Variants in THADA observed in about 807,000 individuals in gnomAD.
The protein encoded by THADA is THADA armadillo repeat containing.
THADA carries 213 observed loss-of-function variants against 219.8 expected under a neutral mutation model. The ratio of observed to expected loss-of-function variants is 0.97; its 90% CI spans 0.87 to 1.09. The LOEUF (loss-of-function observed/expected upper bound fraction) is 1.09, where lower values mean the gene tolerates loss of function less well. Ranked by LOEUF, THADA falls within the 50% of genes least tolerant of loss-of-function variation. THADA has a pLI of 0.00. For missense variants in THADA, 2,956 were observed against 2,311.3 expected, an observed-to-expected ratio of 1.28 and a Z score of -5.72; for synonymous variants, 1,018 against 828.9, an observed-to-expected ratio of 1.23 and a Z score of -3.92.
At chr2:43,469,372 G>T (rs764127912) in intron 26 of THADA, among the ~76,000 whole-genome samples, 6 of 152,142 alleles carry the variant, frequency 3.9e-5, no homozygotes, top group Non-Finnish European at 8.8e-5. Context: ...CCAACTTACA[G>T]AGGGCCTTGA....
chr2:43,469,723 A>G (rs1456046151), intron 26 of THADA, among the ~76,000 whole-genome samples: 1 of 152,168 alleles, frequency 6.6e-6, no homozygotes, highest in Admixed American at 6.5e-5. Flanking sequence ...TCCCTGCATC[A>G]CTTTTTATTA....
Position 43,238,794 on chromosome 2 carries a change from A to C in THADA, c.5297-5912T>G, listed in dbSNP as rs1668326385. The stretch of plus-strand genomic sequence containing the variant: ...TAGTAATCAGCCACAAAAGGGAATG[A>C]AGAAGCAGGAGGTCTAGGTGGGAAG... On this transcript the variant is annotated intron_variant, in intron 36 of 37. Coordinates refer to ENST00000405975, the MANE Select transcript of THADA (RefSeq NM_022065.5). Among the ~76,000 whole-genome samples, 6 of 152,256 alleles carry C rather than the reference A, an allele frequency of 3.9e-5. 1 individual carries two copies. The highest frequency in any genetic ancestry group is 3.9e-4 in the Admixed American group (6 of 15,290).
At chr2:43,439,942 T>A (rs1271861193) in intron 26 of THADA, among the ~76,000 whole-genome samples, 1 of 152,208 alleles carries the variant, frequency 6.6e-6, no homozygotes, top group Non-Finnish European at 1.5e-5. Context: ...AAATCCTTAC[T>A]CCTTTCCAAA....
intron 26 of THADA, among the ~76,000 whole-genome samples, chr2:43,480,233 G>A (rs980895980): frequency 1.3e-5 from 2 of 152,190 alleles, no homozygotes; most frequent in African/African-American, 2.4e-5. Context: ...TGCCTACCTC[G>A]CAGAGCTGTG....
intron 29 of THADA, among the ~76,000 whole-genome samples, chr2:43,346,301 T>C (rs1454003215): frequency 6.6e-6 from 1 of 152,126 alleles, no homozygotes; most frequent in African/African-American, 2.4e-5. Flanking sequence ...CTCATAGACA[T>C]TTAGTGTGTT....
chr2:43,493,164 A>G (rs1457391500), intron 25 of THADA, among the ~76,000 whole-genome samples: 1 of 152,112 alleles, frequency 6.6e-6, no homozygotes, highest in African/African-American at 2.4e-5. Flanking sequence ...CATGCTATGA[A>G]CCAGATTACC....
intron 28 of THADA, among the ~76,000 whole-genome samples, chr2:43,418,134 A>C (rs1677232441): frequency 6.6e-6 from 1 of 152,176 alleles, no homozygotes; most frequent in South Asian, 2.1e-4. Context: ...GTTTTCAATA[A>C]ATATCTGTTG....
At chr2:43,381,950 A>G (rs1672087566) in intron 29 of THADA, among the ~76,000 whole-genome samples, 1 of 152,188 alleles carries the variant, frequency 6.6e-6, no homozygotes, top group African/African-American at 2.4e-5. Flanking sequence ...AGAATGGCAA[A>G]TCACCTCAGT....
intron 36 of THADA, among the ~76,000 whole-genome samples, chr2:43,235,811 C>T (rs1667968844): frequency 6.6e-6 from 1 of 151,060 alleles, no homozygotes; most frequent in South Asian, 2.1e-4. Flanking sequence ...TATCCTGCAC[C>T]ATTTTTTTTT....
chr2:43,287,507 G>C (rs1297443668), intron 34 of THADA, among the ~76,000 whole-genome samples: 3 of 152,164 alleles, frequency 2.0e-5, no homozygotes, highest in Non-Finnish European at 4.4e-5. Flanking sequence ...ATGTTGGTCA[G>C]GCTGGTCTCA....
intron 30 of THADA, among the ~76,000 whole-genome samples, chr2:43,326,800 T>C (rs1488772783): frequency 6.6e-6 from 1 of 152,186 alleles, no homozygotes; most frequent in African/African-American, 2.4e-5. Flanking sequence ...TTGTGAAGCC[T>C]TGGTGGGCTT....
At chr2:43,495,432 T>G (rs974861193) in intron 25 of THADA, among the ~76,000 whole-genome samples, 10 of 152,172 alleles carry the variant, frequency 6.6e-5, no homozygotes, top group African/African-American at 2.4e-4. Flanking sequence ...TTTGTGGATA[T>G]GTATGCATAC....
rs181646942 is a variant in THADA, at chr2:43,592,066, A to G, written c.77-20T>C. ...CAAAAGCTATATAACATATACAAAA[A>G]AAAATTTTCAATGATTTAACAGTGA... On this transcript the variant is annotated intron_variant, in intron 2 of 37. Transcript: ENST00000405975. 8.6e-6 allele frequency: 13 copies of G among 1,510,258 alleles called. No homozygotes were observed. The East Asian group carries it at 2.7e-4, about 31-fold the overall frequency. 93.6% of individuals were successfully genotyped at this position (1,510,258 alleles called of 1,614,324 possible).
intron 21 of THADA, among the ~76,000 whole-genome samples, chr2:43,532,613 G>C (rs1018249713): frequency 3.3e-5 from 5 of 151,944 alleles, no homozygotes; most frequent in African/African-American, 1.2e-4. Context: ...AAAATAATAA[G>C]AGCTATTTAT....
intron 29 of THADA, among the ~76,000 whole-genome samples, chr2:43,351,712 G>A (rs1668287858): frequency 6.6e-6 from 1 of 152,224 alleles, no homozygotes; most frequent in Non-Finnish European, 1.5e-5. Flanking sequence ...TGCTAGGGGT[G>A]GCAGAACAGA....
chr2:43,440,090 C>T (rs1053875575), intron 26 of THADA, among the ~76,000 whole-genome samples: 4 of 152,118 alleles, frequency 2.6e-5, no homozygotes, highest in African/African-American at 9.7e-5. Flanking sequence ...CAGTGCCTTT[C>T]CTCATATAGA....
chr2:43,564,204 A>G (rs1472470641), intron 15 of THADA: 2 of 152,252 alleles, frequency 1.3e-5, no homozygotes, highest in African/African-American at 4.8e-5. Flanking sequence ...TTGAAATTCT[A>G]TGAACTGATG....
intron 26 of THADA, among the ~76,000 whole-genome samples, chr2:43,449,287 A>G (rs773118225): frequency 1.3e-5 from 2 of 152,160 alleles, no homozygotes; most frequent in Admixed American, 6.5e-5. Flanking sequence ...GAGGAACAAA[A>G]AAAAGATTAA....
chr2:43,530,736 T>A (rs888033489), intron 21 of THADA, among the ~76,000 whole-genome samples: 1 of 152,242 alleles, frequency 6.6e-6, no homozygotes, highest in African/African-American at 2.4e-5. Context: ...CATCAGATTT[T>A]CATTGCTTCC....
Sources: gnomAD v4.1 joint callset for allele counts (sites outside exome capture counted in the v4.1 genomes callset) on GRCh38, gnomAD v4.1.1 for gene constraint, MANE v1.5 for transcripts, NCBI Gene and HGNC (gene_info 2026-07-23, HGNC 2026-07-21) for gene names.